The following ABCC4 variants were observed in gnomAD, a reference collection of about 807,000 sequenced individuals.
ABCC4 encodes ATP binding cassette subfamily C member 4 (PEL blood group).
Under a neutral mutation model 168.5 loss-of-function variants are expected in ABCC4, and 102 were observed. The ratio of observed to expected loss-of-function variants is 0.61; its 90% CI spans 0.52 to 0.71. The LOEUF (loss-of-function observed/expected upper bound fraction) is 0.71. ABCC4 is among the 30% of genes least tolerant of loss of function. The pLI, the probability that ABCC4 is intolerant of heterozygous loss-of-function variation, is 0.00. For missense variants in ABCC4, 1,402 were observed against 1,605.8 expected (o/e 0.87, Z 2.17); for synonymous variants, 617 against 590.7 (o/e 1.04, Z -0.65).
chr13:95,297,261 T>C (rs1385539791), intron 1 of ABCC4, among the ~76,000 whole-genome samples: 1 of 89,628 alleles, frequency 1.1e-5, no homozygotes, highest in Non-Finnish European at 2.7e-5. Flanking sequence ...GCTAAAACTC[T>C]GTCTCATAAA....
chr13:95,091,272 A>T (rs1031767936), intron 20 of ABCC4, among the ~76,000 whole-genome samples: 2 of 152,218 alleles, frequency 1.3e-5, no homozygotes, highest in Non-Finnish European at 2.9e-5. Flanking sequence ...AGACCTAGAC[A>T]TCCAAATACA....
At chr13:95,065,686 T>C (rs1217124861) in intron 25 of ABCC4, among the ~76,000 whole-genome samples, 1 of 152,228 alleles carries the variant, frequency 6.6e-6, no homozygotes, top group Non-Finnish European at 1.5e-5. Flanking sequence ...TTCTTAGATG[T>C]GGAATTGCTG....
intron 1 of ABCC4, among the ~76,000 whole-genome samples, chr13:95,289,001 C>T (rs1272106163): frequency 6.6e-6 from 1 of 152,160 alleles, no homozygotes; most frequent in Non-Finnish European, 1.5e-5. Flanking sequence ...CATGTTAAGC[C>T]ATTGATAAAC....
intron 20 of ABCC4, among the ~76,000 whole-genome samples, chr13:95,109,329 C>T (rs2766481): frequency 0.43 from 64,934 of 151,824 alleles, 16,026 homozygotes; most frequent in South Asian, 0.69. Context: ...GAGAGACTTT[C>T]GCTGGTCCTT....
At chr13:95,296,343 T>C (rs1443258136) in intron 1 of ABCC4, among the ~76,000 whole-genome samples, 1 of 151,930 alleles carries the variant, frequency 6.6e-6, no homozygotes. Context: ...TTTTTTATTA[T>C]AGAAAAAGAA....
chr13:95,103,641 G>C (rs1384817480), intron 20 of ABCC4, among the ~76,000 whole-genome samples: 1 of 152,130 alleles, frequency 6.6e-6, no homozygotes, highest in African/African-American at 2.4e-5. Flanking sequence ...AGCCACACAA[G>C]GCATTCTGAC....
At chr13:95,279,188 C>T (rs1018087551) in intron 1 of ABCC4, among the ~76,000 whole-genome samples, 10 of 152,206 alleles carry the variant, frequency 6.6e-5, no homozygotes, top group African/African-American at 1.7e-4. Flanking sequence ...TGGAGGCACA[C>T]GTCACACTTC....
At chr13:95,041,325 A>G (rs766726134) in intron 29 of ABCC4, among the ~76,000 whole-genome samples, 2 of 152,246 alleles carry the variant, frequency 1.3e-5, no homozygotes, top group Non-Finnish European at 2.9e-5. Context: ...TTGGAGAGTC[A>G]ACACATAAAC....
rs527893869 is a variant in ABCC4 at position 95,132,713 on chromosome 13, C to T, written c.2456-16712G>A. On this transcript the variant is annotated intron_variant, in intron 19 of 30. Coordinates refer to ENST00000645237, the MANE Select transcript of ABCC4 (RefSeq NM_005845.5). Reference sequence around the variant, plus strand: ...CAGAGGCTGGCTGACTGTATATACACACCATGCAATATTATTCAGCTTTAA... The same window carrying T: ...CAGAGGCTGGCTGACTGTATATACATACCATGCAATATTATTCAGCTTTAA... Among the ~76,000 whole-genome samples, 35 of 152,256 alleles carry T rather than the reference C, an allele frequency of 2.3e-4. 1 individual carries two copies. The South Asian group carries it at 6.4e-3, about 28-fold the overall frequency.
At chr13:95,042,338 C>T (rs1348217443) in intron 29 of ABCC4, among the ~76,000 whole-genome samples, 2 of 152,198 alleles carry the variant, frequency 1.3e-5, no homozygotes, top group South Asian at 4.1e-4. Context: ...CTATCCATTG[C>T]ACCATCTTCA....
chr13:95,217,489 T>C (rs1183659973), intron 4 of ABCC4, among the ~76,000 whole-genome samples: 1 of 152,120 alleles, frequency 6.6e-6, no homozygotes, highest in Non-Finnish European at 1.5e-5. Flanking sequence ...CCTAGCACTT[T>C]GGGAGGCCAG....
chr13:95,034,848 G>A (rs974202904), intron 29 of ABCC4, 109 bp from the exon 30 acceptor site: 5 of 1,493,066 alleles, frequency 3.3e-6, no homozygotes, highest in Non-Finnish European at 4.6e-6. Context: ...ATCTGTTTGG[G>A]TGGTAGGCCT....
intron 13 of ABCC4, among the ~76,000 whole-genome samples, chr13:95,171,190 T>C (rs1199668042): frequency 6.6e-6 from 1 of 151,454 alleles, no homozygotes; most frequent in Non-Finnish European, 1.5e-5. Flanking sequence ...ATTCTTGGTC[T>C]CATCCAGGAA....
chr13:95,288,208 G>A (rs1487746174), intron 1 of ABCC4, among the ~76,000 whole-genome samples: 1 of 152,088 alleles, frequency 6.6e-6, no homozygotes, highest in Non-Finnish European at 1.5e-5. Flanking sequence ...ATATATACAA[G>A]ATCATGGGTC....
At chr13:95,189,295 A>C (rs2448299) in intron 9 of ABCC4, among the ~76,000 whole-genome samples, 1 of 149,418 alleles carries the variant, frequency 6.7e-6, no homozygotes, top group African/African-American at 2.5e-5. Flanking sequence ...CACTGCGCCC[A>C]GCTAATTTTT....
chr13:95,193,508 C>T (rs896127359), intron 9 of ABCC4, among the ~76,000 whole-genome samples: 10 of 152,218 alleles, frequency 6.6e-5, no homozygotes, highest in Non-Finnish European at 1.3e-4. Context: ...CCCCTGCTTT[C>T]CCTTTGTGCT....
chr13:95,084,302 C>T (rs1455718835), intron 20 of ABCC4, among the ~76,000 whole-genome samples: 2 of 152,186 alleles, frequency 1.3e-5, no homozygotes, highest in Non-Finnish European at 1.5e-5. Context: ...AGTCACAGAG[C>T]TGAGGAGCAT....
At chr13:95,094,935 C>G (rs2034544503) in intron 20 of ABCC4, among the ~76,000 whole-genome samples, 1 of 152,148 alleles carries the variant, frequency 6.6e-6, no homozygotes, top group South Asian at 2.1e-4. Context: ...AAATCAAAAA[C>G]ACAATGTGAT....
At chr13:95,198,138 C>CT (rs2038513992) in intron 8 of ABCC4, among the ~76,000 whole-genome samples, 1 of 152,080 alleles carries the variant, frequency 6.6e-6, no homozygotes, top group African/African-American at 2.4e-5. Flanking sequence ...AGAGCTTCTC[C>CT]ACAGCAAAAG....
Sources: allele counts gnomAD v4.1 joint callset (sites outside exome capture counted in the v4.1 genomes callset), GRCh38; gene constraint gnomAD v4.1.1; transcripts MANE v1.5; gene names NCBI Gene and HGNC (gene_info 2026-07-23, HGNC 2026-07-21).